DRC11L: variants seen among roughly 807,000 people sequenced by gnomAD.
DRC11L encodes dynein regulatory complex subunit like-11.
the DRC11L span, chr7:151,192,810 G>A: frequency 5.0e-6 from 2 of 399,042 alleles, no homozygotes; most frequent in South Asian, 2.5e-4. Context: ...AATCACAGAG[G>A]GCTGTAGGAG....
At chr7:151,196,895 G>A in the DRC11L span, 1 of 399,048 alleles carries the variant, frequency 2.5e-6, no homozygotes, top group Non-Finnish European at 4.4e-6. Flanking sequence ...TGGTCCGTGT[G>A]CAGACACCCA....
the DRC11L span, among the ~76,000 whole-genome samples, chr7:151,197,582 C>T: frequency 6.6e-6 from 1 of 152,172 alleles, no homozygotes; most frequent in Non-Finnish European, 1.5e-5. Flanking sequence ...TCTTGGGCCA[C>T]GGGATCTGGA....
At chr7:151,203,389 G>A in the DRC11L span, 18 of 399,240 alleles carry the variant, frequency 4.5e-5, no homozygotes, top group East Asian at 1.1e-4. Context: ...TGTCACCCCC[G>A]TTTACCTTCT....
the DRC11L span, among the ~76,000 whole-genome samples, chr7:151,199,940 C>T: frequency 6.6e-6 from 1 of 152,074 alleles, no homozygotes; most frequent in African/African-American, 2.4e-5. This position sits in a 1 kb window ranked among gnomAD's most constrained non-coding sequence, Gnocchi z 5.2. Flanking sequence ...CACACAGGCA[C>T]ATGGCCTGGA....
At chr7:151,196,636 T>C in the DRC11L span, 1 of 399,318 alleles carries the variant, frequency 2.5e-6, no homozygotes, top group Non-Finnish European at 4.4e-6. Flanking sequence ...CACAAGCACA[T>C]GCACACATAC....
At chr7:151,196,600 T>A in the DRC11L span, 1 of 399,530 alleles carries the variant, frequency 2.5e-6, no homozygotes, top group Non-Finnish European at 4.4e-6. Context: ...GAGTGCCGGG[T>A]GCATACACAC....
the DRC11L span, among the ~76,000 whole-genome samples, chr7:151,199,664 T>C: frequency 8.5e-5 from 13 of 152,164 alleles, no homozygotes; most frequent in South Asian, 2.7e-3. This position sits in a 1 kb window ranked among gnomAD's most constrained non-coding sequence, Gnocchi z 5.2. Flanking sequence ...CCTGCCAAGA[T>C]GTCACCAGAC....
the DRC11L span, chr7:151,199,002 A>G: frequency 7.5e-6 from 3 of 398,766 alleles, no homozygotes; most frequent in Non-Finnish European, 1.3e-5. This position sits in a 1 kb window ranked among gnomAD's most constrained non-coding sequence, Gnocchi z 5.2. Context: ...GGGTGAGGGG[A>G]GCTGGGGGAG....
At chr7:151,201,419 GGGGTCC>G in the DRC11L span, among the ~76,000 whole-genome samples, 1 of 152,218 alleles carries the variant, frequency 6.6e-6, no homozygotes, top group Non-Finnish European at 1.5e-5. This position sits in a 1 kb window ranked among gnomAD's most constrained non-coding sequence, Gnocchi z 4.1. Context: ...CTCCATCTTT[GGGGTCC>G]ATCCTCCTTC....
chr7:151,199,010 G>A, the DRC11L span: 1 of 399,110 alleles, frequency 2.5e-6, no homozygotes. This position sits in a 1 kb window ranked among gnomAD's most constrained non-coding sequence, Gnocchi z 5.2. Flanking sequence ...GGAGCTGGGG[G>A]AGTGGAAGAG....
chr7:151,194,448 G>A, the DRC11L span: 19 of 398,958 alleles, frequency 4.8e-5, no homozygotes, highest in Admixed American at 1.3e-4. Flanking sequence ...CGGGGCTGGT[G>A]GATGGGGGTA....
At chr7:151,203,849 A>C in the DRC11L span, among the ~76,000 whole-genome samples, 57 of 152,106 alleles carry the variant, frequency 3.7e-4, no homozygotes, top group Admixed American at 2.6e-4. Flanking sequence ...GACCTGGGGA[A>C]TCTTCCCTGC....
chr7:151,192,729 C>T, the DRC11L span: 3 of 399,128 alleles, frequency 7.5e-6, no homozygotes, highest in Non-Finnish European at 1.3e-5. Flanking sequence ...GCCTTCACAT[C>T]CATGCTCCCT....
the DRC11L span, chr7:151,191,972 T>A: frequency 2.5e-6 from 1 of 397,580 alleles, no homozygotes; most frequent in South Asian, 1.4e-4. Flanking sequence ...CTGGAAGGAG[T>A]TTTGTGCTCC....
chr7:151,198,161 G>C, the DRC11L span, among the ~76,000 whole-genome samples: 8 of 151,590 alleles, frequency 5.3e-5, no homozygotes, highest in African/African-American at 1.9e-4. Context: ...TAGAAGGGTG[G>C]GTAGATGTGT....
the DRC11L span, chr7:151,193,490 C>T: frequency 2.5e-6 from 1 of 399,380 alleles, no homozygotes; most frequent in Admixed American, 4.4e-5. Context: ...ATCCGGGGAG[C>T]CTGAGAGCAA....
At chr7:151,197,207 C>G in the DRC11L span, 11 of 399,472 alleles carry the variant, frequency 2.8e-5, no homozygotes, top group Non-Finnish European at 4.4e-5. Flanking sequence ...TATCTTACCC[C>G]CTTCTTGGCC....
the DRC11L span, chr7:151,190,958 A>G: frequency 2.5e-6 from 1 of 399,942 alleles, no homozygotes; most frequent in Non-Finnish European, 4.4e-6. Flanking sequence ...CACTAATCTC[A>G]GGTGCCCGCA....
At chr7:151,205,356 C>A in the DRC11L span, 3 of 399,090 alleles carry the variant, frequency 7.5e-6, no homozygotes, top group Non-Finnish European at 1.3e-5. Flanking sequence ...GCCCAAACCG[C>A]CACTCTGCCC....
Sources: allele counts gnomAD v4.1 joint callset (sites outside exome capture counted in the v4.1 genomes callset), GRCh38; gene constraint gnomAD v4.1.1; non-coding constraint Gnocchi (gnomAD v3.1); transcripts MANE v1.5; gene names NCBI Gene and HGNC (gene_info 2026-07-23, HGNC 2026-07-21).